Variants in ADAMTSL3 observed in about 807,000 individuals in gnomAD.
ADAMTSL3 encodes ADAMTS-like protein 3.
ADAMTSL3 carries 128 observed loss-of-function variants against 201.7 expected under a neutral mutation model. That is an observed-to-expected ratio of 0.63 (90% CI 0.55 to 0.73). The LOEUF (loss-of-function observed/expected upper bound fraction) is 0.73, where lower values mean the gene tolerates loss of function less well. ADAMTSL3 is among the 30% of genes least tolerant of loss of function. ADAMTSL3 has a pLI of 0.00. For missense variants in ADAMTSL3, 1,990 were observed against 2,119.6 expected (o/e 0.94, Z 1.20); for synonymous variants, 738 against 748.4 (o/e 0.99, Z 0.23).
intron 5 of ADAMTSL3, among the ~76,000 whole-genome samples, chr15:83,818,007 A>G (rs368965845): frequency 6.6e-6 from 1 of 152,190 alleles, no homozygotes; most frequent in African/African-American, 2.4e-5. Flanking sequence ...GCAAGACTCT[A>G]TTTCAAAAAG....
intron 5 of ADAMTSL3, among the ~76,000 whole-genome samples, chr15:83,819,091 G>GT (rs1195545630): frequency 1.3e-5 from 2 of 152,088 alleles, no homozygotes; most frequent in East Asian, 3.9e-4. Context: ...CCAACGTGGT[G>GT]AAACCCCGTC....
At position 83,663,589 on chromosome 15, in the gene ADAMTSL3, G is replaced by A. The variant is rs539082203; in HGVS notation, c.69+7759G>A. On this transcript the variant is annotated intron_variant, in intron 2 of 29. Coordinates refer to ENST00000286744, the MANE Select transcript of ADAMTSL3 (RefSeq NM_207517.3). ...TGCTACACACTTGATACACATTGTG[G>A]CCTTCCTCCTTTCACCCTGTTTCAG... is the stretch of plus-strand genomic sequence containing the variant. 7.2e-4 allele frequency among the ~76,000 whole-genome samples: 110 copies of A among 152,224 alleles called. 6 individuals are homozygous for A. The South Asian group carries it at 0.02, about 27-fold the overall frequency.
chr15:83,978,702 G>A (rs1490393923), intron 20 of ADAMTSL3, among the ~76,000 whole-genome samples: 16 of 152,192 alleles, frequency 1.1e-4, no homozygotes, highest in Non-Finnish European at 2.1e-4. Flanking sequence ...CATGAATTCC[G>A]ATCTCTGGCT....
intron 25 of ADAMTSL3, among the ~76,000 whole-genome samples, chr15:84,017,721 A>G (rs1297391368): frequency 3.3e-5 from 5 of 152,168 alleles, no homozygotes; most frequent in African/African-American, 7.2e-5. Flanking sequence ...TTTAAACATA[A>G]TACTAACATT....
intron 7 of ADAMTSL3, among the ~76,000 whole-genome samples, chr15:83,856,711 T>C (rs1257134430): frequency 6.6e-6 from 1 of 152,200 alleles, no homozygotes; most frequent in Non-Finnish European, 1.5e-5. Flanking sequence ...CATTCATCCA[T>C]AGACAGATAC....
intron 27 of ADAMTSL3, among the ~76,000 whole-genome samples, chr15:84,031,076 C>T (rs2068400522): frequency 6.6e-6 from 1 of 152,056 alleles, no homozygotes; most frequent in African/African-American, 2.4e-5. Context: ...TACCCAGTCT[C>T]GGGTATGTCT....
chr15:83,793,657 G>A (rs935212330), intron 4 of ADAMTSL3, among the ~76,000 whole-genome samples: 12 of 151,942 alleles, frequency 7.9e-5, no homozygotes, highest in African/African-American at 2.9e-4. Flanking sequence ...TTGTACTTTT[G>A]GTAGAGATGG....
At chr15:83,825,224 A>G (rs1285240270) in intron 6 of ADAMTSL3, among the ~76,000 whole-genome samples, 4 of 152,250 alleles carry the variant, frequency 2.6e-5, no homozygotes, top group Non-Finnish European at 4.4e-5. Context: ...ACCAAATGAT[A>G]ATAGTAATCC....
chr15:83,714,862 C>CTTTCTTTCTCTCTCTT (rs1276681751), intron 3 of ADAMTSL3, among the ~76,000 whole-genome samples: 1 of 40,474 alleles, frequency 2.5e-5, no homozygotes, highest in Non-Finnish European at 4.1e-5. Flanking sequence ...CCCTCCCTCC[C>CTTTCTTTCTCTCTCTT]TCCCTCCCTC....
chr15:83,860,561 T>C (rs1483932627), intron 8 of ADAMTSL3, among the ~76,000 whole-genome samples: 1 of 152,196 alleles, frequency 6.6e-6, no homozygotes, highest in African/African-American at 2.4e-5. Flanking sequence ...AAAAATGCAA[T>C]GGATGGTCTT....
chr15:84,004,205 C>G (rs2067850954), intron 23 of ADAMTSL3, among the ~76,000 whole-genome samples: 1 of 152,102 alleles, frequency 6.6e-6, no homozygotes, highest in African/African-American at 2.4e-5. Flanking sequence ...ATACTACAGT[C>G]AGGTCATTTT....
intron 9 of ADAMTSL3, among the ~76,000 whole-genome samples, chr15:83,875,830 T>A (rs367980669): frequency 2.0e-5 from 3 of 151,956 alleles, no homozygotes; most frequent in African/African-American, 7.2e-5. Flanking sequence ...AATCAGGATG[T>A]ATGTGTAAGA....
At chr15:84,003,980 A>C (rs1331456920) in intron 23 of ADAMTSL3, among the ~76,000 whole-genome samples, 1 of 152,208 alleles carries the variant, frequency 6.6e-6, no homozygotes, top group Non-Finnish European at 1.5e-5. Flanking sequence ...ATAAGAAAGC[A>C]TGCAAGCTTC....
chr15:83,658,904 T>G (rs1424799361), intron 2 of ADAMTSL3, among the ~76,000 whole-genome samples: 2 of 152,186 alleles, frequency 1.3e-5, no homozygotes, highest in African/African-American at 4.8e-5. Context: ...TAAACAGCCT[T>G]ATCTGTTCAC....
chr15:83,974,929 G>A (rs1319050071), intron 20 of ADAMTSL3, among the ~76,000 whole-genome samples: 1 of 151,046 alleles, frequency 6.6e-6, no homozygotes, highest in Non-Finnish European at 1.5e-5. Flanking sequence ...CCTTCCCAGG[G>A]CTATCTCAAA....
chr15:83,988,741 A>G lies in ADAMTSL3; in HGVS notation c.3767A>G (p.Lys1256Arg), dbSNP rs2067528213. 6.2e-7 allele frequency: 1 copy of G among 1,609,758 alleles called. No homozygotes were observed. The highest frequency in any genetic ancestry group is 1.7e-5 in the Admixed American group (1 of 59,938). Residue 1256 changes from lysine (K) to arginine (R), a missense_variant, in exon 22 of 30, where the codon AAA (lysine) becomes AGA (arginine). By Grantham distance (26) the Lys-to-Arg change is conservative (BLOSUM62 2). Transcript: ENST00000286744. ...GKIQIQNPTR[K>R]EQGIYECSVA... The stretch of plus-strand genomic sequence containing the variant: ...ATACAGATACAGAATCCTACAAGGA[A>G]AGAACAAGGCATATATGAATGTTCT...
chr15:83,873,523 C>T (rs1367977748), intron 9 of ADAMTSL3, among the ~76,000 whole-genome samples: 1 of 143,782 alleles, frequency 7.0e-6, no homozygotes, highest in Non-Finnish European at 1.5e-5. Context: ...GAACTACAGG[C>T]ACACAACCCC....
intron 2 of ADAMTSL3, among the ~76,000 whole-genome samples, chr15:83,659,390 G>A (rs1176872601): frequency 6.6e-6 from 1 of 152,186 alleles, no homozygotes; most frequent in African/African-American, 2.4e-5. Context: ...GGTCTTGTTG[G>A]TGCATAAGTA....
intron 5 of ADAMTSL3, among the ~76,000 whole-genome samples, chr15:83,819,277 A>AC (rs1274307456): frequency 1.3e-5 from 2 of 151,806 alleles, no homozygotes; most frequent in Non-Finnish European, 2.9e-5. Context: ...AAAAAAAAAA[A>AC]AAAAACAATG....
Sources: gnomAD v4.1 joint callset for allele counts (sites outside exome capture counted in the v4.1 genomes callset) on GRCh38, gnomAD v4.1.1 for gene constraint, MANE v1.5 for transcripts, NCBI Gene and HGNC (gene_info 2026-07-23, HGNC 2026-07-21) for gene names.